NOS2: variants seen among roughly 807,000 people sequenced by gnomAD.
The protein encoded by NOS2 is nitric oxide synthase 2.
Under a neutral mutation model 136.0 loss-of-function variants are expected in NOS2, and 96 were observed. The observed-to-expected ratio is 0.71, with a 90% CI of 0.60 to 0.84. The LOEUF is 0.84. Among genes scored for constraint, NOS2 ranks in the 40% least tolerant of loss-of-function variants. NOS2 has a pLI of 0.00. For missense variants in NOS2, 1,237 were observed against 1,496.9 expected, an observed-to-expected ratio of 0.83 and a Z score of 2.87; for synonymous variants, 539 against 587.5, an observed-to-expected ratio of 0.92 and a Z score of 1.20.
intron 11 of NOS2, among the ~76,000 whole-genome samples, chr17:27,775,956 A>G (rs1908645538): frequency 6.6e-6 from 1 of 152,228 alleles, no homozygotes; most frequent in South Asian, 2.1e-4. Context: ...TCTCTGCATT[A>G]GAGTCTAGTC....
At chr17:27,778,219 G>A (rs545443836) in intron 11 of NOS2, among the ~76,000 whole-genome samples, 29 of 151,704 alleles carry the variant, frequency 1.9e-4, no homozygotes, top group African/African-American at 5.3e-4. Flanking sequence ...TTTTTTGAGC[G>A]GAGTCTTGCT....
chr17:27,799,549 T>C (rs1001513206), intron 1 of NOS2, among the ~76,000 whole-genome samples: 1 of 152,128 alleles, frequency 6.6e-6, no homozygotes, highest in African/African-American at 2.4e-5. Context: ...ATATAGTCCA[T>C]GTAAGAATTT....
At chr17:27,762,205 C>A (rs28944195) in intron 22 of NOS2, among the ~76,000 whole-genome samples, 36,467 of 151,950 alleles carry the variant, frequency 0.24, 4,732 homozygotes, top group South Asian at 0.39. Context: ...CAATGAAAAT[C>A]ATCTAATTAT....
chr17:27,793,612 G>C (rs889862102), intron 2 of NOS2: 1 of 397,498 alleles, frequency 2.5e-6, no homozygotes, highest in African/African-American at 2.1e-5. Context: ...GCAGCAGTCA[G>C]GCTTCGGCCG....
chr17:27,771,491 G>A (rs914268827), intron 14 of NOS2, among the ~76,000 whole-genome samples: 5 of 152,240 alleles, frequency 3.3e-5, no homozygotes, highest in African/African-American at 1.2e-4. Flanking sequence ...CCAGACTCCT[G>A]GGAGCCAGCA....
chr17:27,773,314 G>A, intron 12 of NOS2, 71 bp from the exon 13 acceptor site: 2 of 1,043,046 alleles, frequency 1.9e-6, no homozygotes, highest in South Asian at 2.6e-5. Flanking sequence ...ATGCTGGAGT[G>A]GTAGAGGACC....
intron 15 of NOS2, among the ~76,000 whole-genome samples, chr17:27,769,906 C>A (rs142857955): frequency 1.3e-5 from 2 of 152,272 alleles, no homozygotes; most frequent in African/African-American, 4.8e-5. Flanking sequence ...GCTCCGAATG[C>A]GCCGTGATTC....
chr17:27,783,700 G>A (rs935078713), intron 5 of NOS2, among the ~76,000 whole-genome samples: 1 of 152,192 alleles, frequency 6.6e-6, no homozygotes, highest in South Asian at 2.1e-4. Flanking sequence ...CTATTTTATA[G>A]CCAAGGATCT....
chr17:27,772,413 C>T lies in NOS2; in HGVS notation c.1599G>A (p.Met533Ile). The T allele has an allele frequency of 6.2e-7, 1 of 1,614,068 alleles. No individual in the cohort carries two copies. The highest frequency in any genetic ancestry group is 8.5e-7 in the Non-Finnish European group (1 of 1,180,036). ...GGATGGTGACTCTGACTCGGGACGC[C>T]ATTGTCTTGCGCATCAGCATACAGG... Reference protein sequence around the residue: ...LFACMLMRKTMASRVRVTILF... With the variant: ...LFACMLMRKTIASRVRVTILF... The change falls in exon 14 of 27, where the codon ATG becomes ATA. Residue 533 changes from methionine (M) to isoleucine (I), a missense_variant. By Grantham distance (10) the Met-to-Ile change is conservative (BLOSUM62 1). Transcript: ENST00000313735.
At chr17:27,761,019 C>A in intron 23 of NOS2, 125 bp downstream of exon 23, 8 of 945,792 alleles carry the variant, frequency 8.5e-6, no homozygotes, top group East Asian at 2.7e-5. Flanking sequence ...ACCAGTGTGA[C>A]CCCAGTGCCT....
At chr17:27,799,744 G>A (rs1909472216) in intron 1 of NOS2, among the ~76,000 whole-genome samples, 2 of 151,682 alleles carry the variant, frequency 1.3e-5, no homozygotes, top group African/African-American at 4.8e-5. Flanking sequence ...TACTCGGGAG[G>A]CTGAGGCAGA....
At chr17:27,788,622 G>A (rs1479851831) in intron 4 of NOS2, among the ~76,000 whole-genome samples, 187 bp downstream of exon 4, 2 of 152,182 alleles carry the variant, frequency 1.3e-5, no homozygotes, top group Non-Finnish European at 2.9e-5. Flanking sequence ...TTACTGGGGT[G>A]GTTAACAGGG....
At position 27,798,806 on chromosome 17, in the gene NOS2, C is replaced by A; in HGVS notation, c.4G>T (p.Ala2Ser). The change falls in exon 2 of 27, where the codon GCC becomes TCC. Residue 2 changes from alanine to serine, a missense_variant. Ala to Ser is a moderately conservative substitution (Grantham distance 99). Coordinates refer to ENST00000313735, the MANE Select transcript of NOS2 (RefSeq NM_000625.4). MACPWKFLFKTK... is the reference protein window; with the variant it reads MSCPWKFLFKTK... Reference sequence around the variant, plus strand: ...TTGAACAGAAATTTCCAAGGACAGGCCATCTCTATGGCTTTACAAAGCAGG... The same window carrying A: ...TTGAACAGAAATTTCCAAGGACAGGACATCTCTATGGCTTTACAAAGCAGG... 1.3e-6 allele frequency: 2 copies of A among 1,597,924 alleles called. No homozygotes were observed. The highest frequency in any genetic ancestry group is 3.3e-4 in the Middle Eastern group (2 of 6,036).
intron 16 of NOS2, 60 bp from the exon 17 acceptor site, chr17:27,769,211 C>T: frequency 6.7e-7 from 1 of 1,502,140 alleles, no homozygotes; most frequent in South Asian, 1.3e-5. Flanking sequence ...GCACCCAGCA[C>T]CCAGCACCAA....
At chr17:27,796,227 A>G (rs1044543418) in intron 2 of NOS2, among the ~76,000 whole-genome samples, 7 of 152,140 alleles carry the variant, frequency 4.6e-5, no homozygotes, top group African/African-American at 1.7e-4. Flanking sequence ...AGGCAGGAGA[A>G]TTGCTTGAGG....
At chr17:27,789,709 C>T in intron 2 of NOS2, 21 bp from the exon 3 acceptor site, 1 of 1,585,826 alleles carries the variant, frequency 6.3e-7, no homozygotes, top group Non-Finnish European at 8.7e-7. Context: ...AAACAGCTAG[C>T]ATGAGATGCG....
At chr17:27,772,556 G>T in intron 13 of NOS2, 104 bp from the exon 14 acceptor site, 1 of 1,367,262 alleles carries the variant, frequency 7.3e-7, no homozygotes. Context: ...ATGTGGGGCA[G>T]GTTGAGGGAA....
At position 27,764,992 on chromosome 17, in the gene NOS2, T is replaced by A. The variant is rs1188344732; in HGVS notation, c.2428+543A>T. Among the ~76,000 whole-genome samples, 3 of 152,170 alleles carry A rather than the reference T, an allele frequency of 2.0e-5. No individual in the cohort carries two copies. The East Asian group carries it at 5.8e-4, about 29-fold the overall frequency. On this transcript the variant is annotated intron_variant, in intron 20 of 26. Transcript: ENST00000313735. ...GTTTCTCTGATCCCACTTTCTTTTT[T>A]ATTTTTTTGAGATGGAGTCTCTGTC...
intron 5 of NOS2, among the ~76,000 whole-genome samples, chr17:27,784,305 G>C (rs559859679): frequency 6.6e-6 from 1 of 152,354 alleles, no homozygotes; most frequent in African/African-American, 2.4e-5. Flanking sequence ...TGTGGATGAA[G>C]AGTGTCTCGA....
Sources: allele counts gnomAD v4.1 joint callset (sites outside exome capture counted in the v4.1 genomes callset), GRCh38; gene constraint gnomAD v4.1.1; transcripts MANE v1.5; gene names NCBI Gene and HGNC (gene_info 2026-07-23, HGNC 2026-07-21).